Variants in RBFOX1 observed in about 807,000 individuals in gnomAD.
RBFOX1 encodes the protein RNA binding fox-1 homolog 1.
A neutral mutation model predicts 57.7 loss-of-function variants in RBFOX1; 8 were observed. The ratio of observed to expected loss-of-function variants is 0.14; its 90% CI spans 0.08 to 0.25. The LOEUF (loss-of-function observed/expected upper bound fraction) is 0.25, where lower values mean the gene tolerates loss of function less well. Ranked by LOEUF, RBFOX1 falls within the 10% of genes least tolerant of loss-of-function variation. RBFOX1 has a pLI of 1.00. For synonymous variants in RBFOX1, 326 were observed against 222.4 expected (o/e 1.47, Z -4.15); for missense variants, 611 against 548.5 (o/e 1.11, Z -1.14).
intron 11 of RBFOX1, among the ~76,000 whole-genome samples, chr16:7,648,826 T>C (rs972861186): frequency 6.6e-6 from 1 of 152,198 alleles, no homozygotes; most frequent in Non-Finnish European, 1.5e-5. Context: ...AGAATTTAAA[T>C]GAATTGAGGG....
intron 4 of RBFOX1, among the ~76,000 whole-genome samples, chr16:7,378,747 A>T (rs954254249): frequency 6.6e-6 from 1 of 152,010 alleles, no homozygotes. Context: ...GCTTTTCTCA[A>T]TGGCTGATCT....
intron 4 of RBFOX1, among the ~76,000 whole-genome samples, chr16:7,279,117 T>C (rs991190368): frequency 2.0e-5 from 3 of 150,488 alleles, no homozygotes; most frequent in Non-Finnish European, 4.4e-5. Context: ...ACATTTTCTC[T>C]TTCCTTTTCT....
At chr16:7,592,483 T>G (rs1328057469) in intron 7 of RBFOX1, among the ~76,000 whole-genome samples, 1 of 152,192 alleles carries the variant, frequency 6.6e-6, no homozygotes, top group East Asian at 1.9e-4. Flanking sequence ...CCTGGCTGTG[T>G]TCTTCCCAGT....
chr16:7,607,452 C>A, intron 10 of RBFOX1, 114 bp downstream of exon 10: 1 of 979,474 alleles, frequency 1.0e-6, no homozygotes, highest in Non-Finnish European at 1.6e-6. Context: ...CCTATCCTAA[C>A]AAGTTCTGAA....
chr16:6,888,160 AG>A (rs2064564424), intron 3 of RBFOX1, among the ~76,000 whole-genome samples: 1 of 152,206 alleles, frequency 6.6e-6, no homozygotes, highest in South Asian at 2.1e-4. Context: ...AACAGTAGGC[AG>A]TAGTTGTGAC....
Position 6,870,414 on chromosome 16 carries a change from C to A in RBFOX1, c.-15-181643C>A, listed in dbSNP as rs76873633. Among the ~76,000 whole-genome samples the A allele has an allele frequency of 2.2e-4, 33 of 152,306 alleles. 1 individual carries two copies. In the East Asian group the frequency reaches 5.4e-3, roughly 25 times the overall value. ...ATTTGGATTGTTTCAGCAAGTCTTACCTCACTTCTGATACCTATAAATATC... is the reference window on the plus strand; with the variant it reads ...ATTTGGATTGTTTCAGCAAGTCTTAACTCACTTCTGATACCTATAAATATC... On this transcript the variant is annotated intron_variant, in intron 3 of 15. Transcript: ENST00000550418.
intron 4 of RBFOX1, among the ~76,000 whole-genome samples, chr16:7,381,071 A>C (rs1332833666): frequency 6.6e-6 from 1 of 152,222 alleles, no homozygotes; most frequent in Non-Finnish European, 1.5e-5. Context: ...TAGTTTGTGA[A>C]TACACTGGAG....
At chr16:7,471,377 T>A (rs1055843864) in intron 4 of RBFOX1, among the ~76,000 whole-genome samples, 2 of 152,190 alleles carry the variant, frequency 1.3e-5, no homozygotes, top group Non-Finnish European at 2.9e-5. Context: ...TTAATGTACA[T>A]ACACTTATAC....
At chr16:6,858,683 T>G (rs1332860685) in intron 3 of RBFOX1, among the ~76,000 whole-genome samples, 1 of 152,096 alleles carries the variant, frequency 6.6e-6, no homozygotes, top group Non-Finnish European at 1.5e-5. Flanking sequence ...AACAATAATT[T>G]TATGGAATTA....
chr16:6,230,116 T>TA (rs1356740577), intron 1 of RBFOX1, among the ~76,000 whole-genome samples: 2 of 152,162 alleles, frequency 1.3e-5, no homozygotes, highest in Non-Finnish European at 2.9e-5. Context: ...ATCTTCTTCT[T>TA]AAAAGACTTT....
intron 4 of RBFOX1, chr16:7,328,638 T>C (rs892655349): frequency 2.6e-5 from 4 of 151,690 alleles, no homozygotes; most frequent in African/African-American, 9.7e-5. Context: ...TTTTTTTTTT[T>C]TTTTTTTAGG....
chr16:6,562,503 G>T (rs1488817095), intron 2 of RBFOX1, among the ~76,000 whole-genome samples: 1 of 152,208 alleles, frequency 6.6e-6, no homozygotes, highest in African/African-American at 2.4e-5. Flanking sequence ...ATTAGCAAGG[G>T]TGACTCAGTC....
At chr16:5,982,098 G>A (rs896204035) in intron 4 of RBFOX1, among the ~76,000 whole-genome samples, 2 of 152,118 alleles carry the variant, frequency 1.3e-5, no homozygotes, top group Admixed American at 6.5e-5. Flanking sequence ...GGGGCACAGG[G>A]CCAGAAGCCT....
At chr16:5,925,399 A>T (rs1232285068) in intron 4 of RBFOX1, among the ~76,000 whole-genome samples, 1 of 152,228 alleles carries the variant, frequency 6.6e-6, no homozygotes, top group Admixed American at 6.5e-5. Context: ...AGAAAAAACT[A>T]GACCTGAAGA....
At chr16:6,952,592 C>T (rs1289944086) in intron 3 of RBFOX1, among the ~76,000 whole-genome samples, 1 of 151,916 alleles carries the variant, frequency 6.6e-6, no homozygotes, top group Non-Finnish European at 1.5e-5. Context: ...GAGCCATGAT[C>T]ATGCCACTGG....
intron 4 of RBFOX1, among the ~76,000 whole-genome samples, chr16:7,083,769 C>T (rs957752158): frequency 2.6e-5 from 4 of 152,104 alleles, no homozygotes; most frequent in Non-Finnish European, 2.9e-5. Flanking sequence ...CAGAAGGCAC[C>T]GTGCATGGGT....
chr16:5,439,409 C>T (rs777785165), intron 1 of RBFOX1, among the ~76,000 whole-genome samples: 8 of 151,992 alleles, frequency 5.3e-5, no homozygotes, highest in African/African-American at 1.2e-4. Flanking sequence ...GGGTAGAAAA[C>T]GCATCATGGG....
intron 3 of RBFOX1, among the ~76,000 whole-genome samples, chr16:5,849,024 C>CA (rs1236018823): frequency 6.6e-6 from 1 of 151,628 alleles, no homozygotes; most frequent in Non-Finnish European, 1.5e-5. Context: ...ACAGGAGCTC[C>CA]AGATAGAAGG....
chr16:5,985,370 C>T (rs533008360), intron 4 of RBFOX1, among the ~76,000 whole-genome samples: 2 of 152,078 alleles, frequency 1.3e-5, no homozygotes, highest in Admixed American at 6.5e-5. Flanking sequence ...CAGTTCAGGA[C>T]TGTATTAATT....
Sources: gnomAD v4.1 joint callset for allele counts (sites outside exome capture counted in the v4.1 genomes callset) on GRCh38, gnomAD v4.1.1 for gene constraint, MANE v1.5 for transcripts, NCBI Gene and HGNC (gene_info 2026-07-23, HGNC 2026-07-21) for gene names.